Variants in ST18 observed in about 807,000 individuals in gnomAD.
ST18 encodes the protein ST18 C2H2C-type zinc finger transcription factor.
In ST18, 50 loss-of-function variants were observed where a neutral mutation model predicts 110.0. The observed-to-expected ratio is 0.45, with a 90% CI of 0.36 to 0.58. The LOEUF is 0.58. ST18 is among the 20% of genes least tolerant of loss of function. The probability of loss-of-function intolerance (pLI) is 0.00; values close to 1 mark genes in which losing one functional copy is unlikely to be tolerated. For synonymous variants in ST18, 461 were observed against 452.4 expected (o/e 1.02, Z -0.24); for missense variants, 1,306 against 1,280.1 (o/e 1.02, Z -0.31).
rs2083297777 is a variant in ST18 at position 52,214,247 on chromosome 8, TC to T, written c.10del (p.Glu4ArgfsTer21). 1 of 1,613,942 alleles carries T rather than the reference TC, an allele frequency of 6.2e-7. No individual in the cohort carries two copies. Among genetic ancestry groups the T allele is most frequent in the African/African-American group, 1.3e-5 (1 of 74,936 alleles). On this transcript the variant is annotated frameshift_variant, in exon 7 of 26. Coordinates refer to ENST00000689386, the MANE Select transcript of ST18 (RefSeq NM_001352837.2). LOFTEE classifies it high-confidence loss of function. ...AGTACGCAGCGTTTTATCTTCAGCCTCTGCATCCATCTATAACATGAACACA... is the reference window on the plus strand; with the variant it reads ...AGTACGCAGCGTTTTATCTTCAGCCTTGCATCCATCTATAACATGAACACA... MDA[E>X]AEDKTLRTRS...
intron 2 of ST18, among the ~76,000 whole-genome samples, chr8:52,309,989 A>G (rs1437291659): frequency 1.3e-5 from 2 of 152,216 alleles, no homozygotes; most frequent in African/African-American, 4.8e-5. Context: ...AGAGGGAAAG[A>G]CAGAAATCAA....
At chr8:52,281,549 C>A (rs933818773) in intron 2 of ST18, among the ~76,000 whole-genome samples, 1 of 152,064 alleles carries the variant, frequency 6.6e-6, no homozygotes, top group African/African-American at 2.4e-5. Flanking sequence ...AGACACAAAT[C>A]CCTCTAAAAA....
At chr8:52,376,534 C>T (rs369675337) in intron 2 of ST18, among the ~76,000 whole-genome samples, 10 of 152,204 alleles carry the variant, frequency 6.6e-5, no homozygotes, top group Admixed American at 6.5e-4. Context: ...CCCCTATCTG[C>T]CCTACTCTTT....
chr8:52,266,541 T>A lies in ST18; in HGVS notation c.-464-36464A>T, dbSNP rs534297555. ...GGAAGGATCGCAGAGTTTCTGCCAC[T>A]TTTTTTTTTTTTTTTTTTGAGACAG... is the stretch of plus-strand genomic sequence containing the variant. On this transcript the variant is annotated intron_variant, in intron 2 of 25. Coordinates refer to ENST00000689386, the MANE Select transcript of ST18 (RefSeq NM_001352837.2). Among the ~76,000 whole-genome samples the A allele has an allele frequency of 1.7e-3, 142 of 84,540 alleles. 2 individuals carry two copies. Among genetic ancestry groups the A allele is most frequent in the African/African-American group, 6.4e-3 (132 of 20,720 alleles). The allele number at this position is 84,540 out of a possible 152,430, so 55.5% of individuals were successfully genotyped here. A position where few individuals can be genotyped will look rare whatever the true frequency, so the allele number is the denominator to read the frequency against.
intron 23 of ST18, among the ~76,000 whole-genome samples, chr8:52,125,405 A>ACG (rs35834133): frequency 0.29 from 43,441 of 151,484 alleles, 8,726 homozygotes; most frequent in African/African-American, 0.58. Flanking sequence ...ACACACACAC[A>ACG]TACACACACA....
chr8:52,161,317 A>ACATACACC (rs2061401946), intron 14 of ST18, 58 bp downstream of exon 14: 2 of 1,570,178 alleles, frequency 1.3e-6, no homozygotes, highest in Admixed American at 1.7e-5. Flanking sequence ...CCCAGTACAC[A>ACATACACC]CATACACCCA....
At chr8:52,265,864 A>G (rs966820907) in intron 2 of ST18, among the ~76,000 whole-genome samples, 2 of 152,208 alleles carry the variant, frequency 1.3e-5, no homozygotes, top group Admixed American at 6.5e-5. Flanking sequence ...ACTGGATAAG[A>G]TTCCACAGGG....
rs2068060488 is a variant in ST18 at position 52,178,660 on chromosome 8, TAAAAC to T, written c.277+1457_277+1461del. On this transcript the variant is annotated intron_variant, in intron 9 of 25. Coordinates refer to ENST00000689386, the MANE Select transcript of ST18 (RefSeq NM_001352837.2). ...AAAAAAAAACCACCAAAAACCAAAA[TAAAAC>T]AAACAAAAAAAACCCACCAAAACAA... Among the ~76,000 whole-genome samples, 4 of 26,980 alleles carry T rather than the reference TAAAAC, an allele frequency of 1.5e-4. No homozygotes were observed. In the South Asian group the frequency reaches 4.1e-3, roughly 28 times the overall value. The allele number at this position is 26,980 out of a possible 152,430, so 17.7% of individuals were successfully genotyped here. A position where few individuals can be genotyped will look rare whatever the true frequency, so the allele number is the denominator to read the frequency against.
intron 2 of ST18, among the ~76,000 whole-genome samples, chr8:52,388,047 G>A (rs186172298): frequency 4.6e-4 from 70 of 151,932 alleles, no homozygotes; most frequent in African/African-American, 1.6e-3. Flanking sequence ...GCAGGGGAGA[G>A]AGATGAAATG....
At chr8:52,130,377 A>C (rs768716670) in intron 22 of ST18, among the ~76,000 whole-genome samples, 4 of 152,082 alleles carry the variant, frequency 2.6e-5, no homozygotes, top group Non-Finnish European at 4.4e-5. Flanking sequence ...TGCAGCCTCA[A>C]ACTCCCAGGC....
intron 2 of ST18, among the ~76,000 whole-genome samples, chr8:52,345,976 A>G (rs879836832): frequency 1.3e-4 from 20 of 152,154 alleles, no homozygotes; most frequent in Non-Finnish European, 2.4e-4. Context: ...ATCATTAGTT[A>G]TATGAAAAAA....
intron 12 of ST18, among the ~76,000 whole-genome samples, chr8:52,164,319 A>G (rs1443694290): frequency 6.6e-6 from 1 of 152,248 alleles, no homozygotes; most frequent in Non-Finnish European, 1.5e-5. Flanking sequence ...ATTTTTAAAC[A>G]TCAAAACATT....
intron 2 of ST18, among the ~76,000 whole-genome samples, chr8:52,280,992 A>T (rs149928190): frequency 5.7e-4 from 87 of 152,274 alleles, no homozygotes; most frequent in African/African-American, 2.0e-3. Context: ...CATGTTAGGT[A>T]AGCAAAAAGT....
intron 2 of ST18, among the ~76,000 whole-genome samples, chr8:52,356,459 A>G (rs931690198): frequency 2.0e-5 from 3 of 152,200 alleles, no homozygotes; most frequent in Non-Finnish European, 4.4e-5. Flanking sequence ...AGCAAACAGT[A>G]ACAACTCACA....
chr8:52,234,026 C>T (rs1306899795), intron 2 of ST18, among the ~76,000 whole-genome samples: 9 of 152,172 alleles, frequency 5.9e-5, no homozygotes, highest in Admixed American at 3.9e-4. Context: ...TGGTAACCAC[C>T]ATTCTGTTCT....
chr8:52,322,915 C>T (rs1437296034), intron 2 of ST18, among the ~76,000 whole-genome samples: 1 of 152,222 alleles, frequency 6.6e-6, no homozygotes, highest in Non-Finnish European at 1.5e-5. Flanking sequence ...ATTGCATCCA[C>T]TATCACCACC....
intron 2 of ST18, among the ~76,000 whole-genome samples, chr8:52,243,039 T>C (rs893063347): frequency 1.3e-5 from 2 of 152,232 alleles, no homozygotes; most frequent in African/African-American, 4.8e-5. Flanking sequence ...AGAGCTAAGA[T>C]TTCTAGCTAT....
chr8:52,174,625 G>GCAT, intron 9 of ST18, among the ~76,000 whole-genome samples: 1 of 152,292 alleles, frequency 6.6e-6, no homozygotes, highest in South Asian at 2.1e-4. Flanking sequence ...GCACGACAAT[G>GCAT]CATTTCACTG....
chr8:52,191,878 C>A (rs9643796), intron 8 of ST18, among the ~76,000 whole-genome samples: 31,593 of 151,988 alleles, frequency 0.21, 6,816 homozygotes, highest in African/African-American at 0.55. Context: ...TATCAGGGAA[C>A]AGGAGGTCTG....
Sources: allele counts gnomAD v4.1 joint callset (sites outside exome capture counted in the v4.1 genomes callset), GRCh38; gene constraint gnomAD v4.1.1; transcripts MANE v1.5; gene names NCBI Gene and HGNC (gene_info 2026-07-23, HGNC 2026-07-21).